The following SLC41A2 variants were observed in gnomAD, a reference collection of about 807,000 sequenced individuals.
SLC41A2 encodes solute carrier family 41 member 2.
A neutral mutation model predicts 58.3 loss-of-function variants in SLC41A2; 32 were observed. The ratio of observed to expected loss-of-function variants is 0.55; its 90% CI spans 0.41 to 0.74. The LOEUF (loss-of-function observed/expected upper bound fraction) is 0.74, where lower values mean the gene tolerates loss of function less well. Among genes scored for constraint, SLC41A2 ranks in the 30% least tolerant of loss-of-function variants. The probability of loss-of-function intolerance (pLI) is 0.00; values close to 1 mark genes in which losing one functional copy is unlikely to be tolerated. For missense variants in SLC41A2, 514 were observed against 680.6 expected (o/e 0.76, Z 2.72); for synonymous variants, 190 against 235.0 (o/e 0.81, Z 1.75).
intron 1 of SLC41A2, among the ~76,000 whole-genome samples, chr12:104,945,610 T>G (rs951793249): frequency 2.0e-5 from 3 of 152,228 alleles, no homozygotes; most frequent in African/African-American, 7.2e-5. Flanking sequence ...TTACTATATT[T>G]TTTCCAAATA....
At chr12:104,934,837 CAG>C (rs1371791159) in intron 1 of SLC41A2, among the ~76,000 whole-genome samples, 2 of 152,062 alleles carry the variant, frequency 1.3e-5, no homozygotes, top group Non-Finnish European at 2.9e-5. Flanking sequence ...CTCTTAGAAA[CAG>C]AGAGTAGACA....
chr12:104,907,831 G>A (rs182447324), intron 3 of SLC41A2, among the ~76,000 whole-genome samples: 3 of 152,278 alleles, frequency 2.0e-5, no homozygotes, highest in South Asian at 4.1e-4. Flanking sequence ...GTTAGCAAAG[G>A]ACCTGGCATA....
chr12:104,922,084 G>A (rs536979852), intron 2 of SLC41A2, among the ~76,000 whole-genome samples: 31 of 151,918 alleles, frequency 2.0e-4, no homozygotes, highest in Admixed American at 3.9e-4. Context: ...AATCACAAAC[G>A]AATCACAGAG....
At chr12:104,951,157 C>G (rs542666509) in intron 1 of SLC41A2, among the ~76,000 whole-genome samples, 1 of 152,074 alleles carries the variant, frequency 6.6e-6, no homozygotes, top group Admixed American at 6.6e-5. Flanking sequence ...TTCCCTATAG[C>G]AGGACATTAT....
At chr12:104,843,680 AC>A (rs1294075787) in intron 10 of SLC41A2, among the ~76,000 whole-genome samples, 1 of 152,124 alleles carries the variant, frequency 6.6e-6, no homozygotes, top group Non-Finnish European at 1.5e-5. Flanking sequence ...CTAAGCAAAC[AC>A]AAAAATAGAA....
rs1171652412 is a variant in SLC41A2 at position 104,802,641 on chromosome 12, A to G, written c.*2511T>C. ...TAGCAATGATAGATTTTACAAATTA[A>G]GGCATTGTTCTTTATTTCAAAATTT... On this transcript the variant is annotated 3_prime_UTR_variant, in exon 11 of 11. Transcript: ENST00000258538. The G allele has an allele frequency of 6.6e-6, 1 of 152,182 alleles. No individual in the cohort carries two copies. Among genetic ancestry groups the G allele is most frequent in the African/African-American group, 2.4e-5 (1 of 41,456 alleles). 9.4% of individuals were successfully genotyped at this position (152,182 alleles called of 1,614,324 possible). A position where few individuals can be genotyped will look rare whatever the true frequency, so the allele number is the denominator to read the frequency against.
At chr12:104,899,593 T>G (rs1437193995) in intron 3 of SLC41A2, among the ~76,000 whole-genome samples, 1 of 152,202 alleles carries the variant, frequency 6.6e-6, no homozygotes, top group Non-Finnish European at 1.5e-5. Flanking sequence ...TCTGTACCTG[T>G]GCAGTTTAAA....
Position 104,804,335 on chromosome 12 carries a change from GTC to G in SLC41A2, c.*815_*816del, listed in dbSNP as rs892074212. The G allele has an allele frequency of 1.2e-4, 12 of 97,758 alleles. No homozygotes were observed. Among genetic ancestry groups the G allele is most frequent in the African/African-American group, 2.6e-4 (7 of 27,118 alleles). 6.1% of individuals were successfully genotyped at this position (97,758 alleles called of 1,614,324 possible). A position where few individuals can be genotyped will look rare whatever the true frequency, so the allele number is the denominator to read the frequency against. On this transcript the variant is annotated 3_prime_UTR_variant, in exon 11 of 11. Coordinates refer to ENST00000258538, the MANE Select transcript of SLC41A2 (RefSeq NM_001352171.3). ...TCCAAGATTTAGTTCTTCATCAAAA[GTC>G]TCTCTCTCTCACACACACACACACA...
intron 3 of SLC41A2, among the ~76,000 whole-genome samples, chr12:104,901,601 G>C (rs974572640): frequency 3.3e-5 from 5 of 151,952 alleles, no homozygotes; most frequent in African/African-American, 9.7e-5. Context: ...CCAGGCTGGA[G>C]TGCAGTGGCC....
intron 2 of SLC41A2, among the ~76,000 whole-genome samples, chr12:104,926,511 T>C (rs1036425446): frequency 4.6e-5 from 7 of 151,366 alleles, no homozygotes; most frequent in African/African-American, 1.7e-4. Context: ...TCACTTGAAC[T>C]TGGGAGGTGG....
At chr12:104,850,942 CTG>C (rs1351894426) in intron 8 of SLC41A2, among the ~76,000 whole-genome samples, 1 of 152,190 alleles carries the variant, frequency 6.6e-6, no homozygotes, top group East Asian at 1.9e-4. Context: ...GCTGTGTTCT[CTG>C]TAACATTCTG....
chr12:104,825,285 C>CA (rs902935694), intron 10 of SLC41A2, among the ~76,000 whole-genome samples: 1 of 152,150 alleles, frequency 6.6e-6, no homozygotes, highest in African/African-American at 2.4e-5. Flanking sequence ...GGCATGCCTG[C>CA]AGCAGGCAAA....
intron 2 of SLC41A2, among the ~76,000 whole-genome samples, chr12:104,915,956 C>T (rs1202347235): frequency 1.3e-5 from 2 of 152,094 alleles, no homozygotes; most frequent in Non-Finnish European, 2.9e-5. Flanking sequence ...CAATACCTAA[C>T]TTATTGAGAG....
chr12:104,822,294 T>C (rs564688308), intron 10 of SLC41A2, among the ~76,000 whole-genome samples: 8 of 152,324 alleles, frequency 5.3e-5, no homozygotes, highest in African/African-American at 1.7e-4. Flanking sequence ...GTACAACTTA[T>C]GTGCTCCCTT....
chr12:104,940,705 G>T (rs2047477576), intron 1 of SLC41A2, among the ~76,000 whole-genome samples: 1 of 151,586 alleles, frequency 6.6e-6, no homozygotes, highest in African/African-American at 2.4e-5. Flanking sequence ...ATCACCTGAG[G>T]TCAGGAGTTT....
intron 8 of SLC41A2, among the ~76,000 whole-genome samples, chr12:104,857,962 G>A (rs1027075510): frequency 6.6e-6 from 1 of 151,978 alleles, no homozygotes; most frequent in Non-Finnish European, 1.5e-5. Flanking sequence ...TAACAAACCT[G>A]CACGTTGTGC....
chr12:104,874,623 A>G (rs1428314898), intron 6 of SLC41A2, among the ~76,000 whole-genome samples: 1 of 152,048 alleles, frequency 6.6e-6, no homozygotes, highest in African/African-American at 2.4e-5. Flanking sequence ...TTCTTTCCCA[A>G]TTGTGTCTTC....
intron 8 of SLC41A2, among the ~76,000 whole-genome samples, chr12:104,848,124 T>C (rs998800404): frequency 1.3e-5 from 2 of 152,288 alleles, no homozygotes; most frequent in Middle Eastern, 3.4e-3. Flanking sequence ...TTAGAAATGA[T>C]TGGAACATGC....
chr12:104,873,621 T>C (rs2043895952), intron 6 of SLC41A2, among the ~76,000 whole-genome samples: 1 of 152,206 alleles, frequency 6.6e-6, no homozygotes, highest in Admixed American at 6.5e-5. Flanking sequence ...TCCATAAAAC[T>C]GCACCAATTT....
Sources: allele counts gnomAD v4.1 joint callset (sites outside exome capture counted in the v4.1 genomes callset), GRCh38; gene constraint gnomAD v4.1.1; transcripts MANE v1.5; gene names NCBI Gene and HGNC (gene_info 2026-07-23, HGNC 2026-07-21).